KAZN: variants seen among roughly 807,000 people sequenced by gnomAD.
KAZN encodes kazrin.
Under a neutral mutation model 87.4 loss-of-function variants are expected in KAZN, and 40 were observed. The ratio of observed to expected loss-of-function variants is 0.46; its 90% CI spans 0.36 to 0.60. KAZN has a LOEUF of 0.60. Ranked by LOEUF, KAZN falls within the 20% of genes least tolerant of loss-of-function variation. The pLI is 0.00. For missense variants in KAZN, 898 were observed against 1,073.9 expected (o/e 0.84, Z 2.29); for synonymous variants, 466 against 458.3 (o/e 1.02, Z -0.22).
At position 14,865,551 on chromosome 1, in the gene KAZN, G is replaced by C. The variant is rs545995218; in HGVS notation, c.227-95133G>C. Among the ~76,000 whole-genome samples, 57 of 152,182 alleles carry C rather than the reference G, an allele frequency of 3.7e-4. 1 individual carries two copies. Among genetic ancestry groups the C allele is most frequent in the African/African-American group, 1.3e-3 (54 of 41,524 alleles). ...GCAACCAGAAAACACCCTTCTTCTT[G>C]CCAGGGGACCCCCTCCACCAAAAGC... On this transcript the variant is annotated intron_variant, in intron 1 of 14. Transcript: ENST00000376030.
chr1:14,069,942 T>C (rs1321792481), intron 1 of KAZN, among the ~76,000 whole-genome samples: 1 of 151,934 alleles, frequency 6.6e-6, no homozygotes, highest in Non-Finnish European at 1.5e-5. Context: ...AGGCTGAGGC[T>C]GGCGGATCAC....
intron 1 of KAZN, among the ~76,000 whole-genome samples, chr1:14,855,990 G>C (rs1412927663): frequency 6.6e-6 from 1 of 152,112 alleles, no homozygotes; most frequent in African/African-American, 2.4e-5. Context: ...CCAAAATGAT[G>C]GTACATTTAC....
At chr1:13,933,495 C>A (rs1001767838) in intron 1 of KAZN, among the ~76,000 whole-genome samples, 3 of 152,028 alleles carry the variant, frequency 2.0e-5, no homozygotes, top group Admixed American at 6.6e-5. Flanking sequence ...TCCGTCCCCC[C>A]CAAAAAATAT....
chr1:14,928,341 T>C (rs923286764), intron 1 of KAZN, among the ~76,000 whole-genome samples: 16 of 151,698 alleles, frequency 1.1e-4, no homozygotes, highest in African/African-American at 3.9e-4. Context: ...CCCAGCTACT[T>C]GGGAGGCTGA....
intron 1 of KAZN, among the ~76,000 whole-genome samples, chr1:14,906,119 A>G (rs964162861): frequency 6.6e-6 from 1 of 151,396 alleles, no homozygotes; most frequent in African/African-American, 2.4e-5. Flanking sequence ...GTGAGCCAAG[A>G]TCATGCCACT....
At chr1:14,843,764 C>T (rs560682040) in intron 1 of KAZN, among the ~76,000 whole-genome samples, 20 of 152,330 alleles carry the variant, frequency 1.3e-4, no homozygotes, top group African/African-American at 4.6e-4. Context: ...TTCTAGTCCT[C>T]GTCTCTTCAC....
chr1:14,020,519 G>T (rs922658041), intron 1 of KAZN, among the ~76,000 whole-genome samples: 1 of 152,188 alleles, frequency 6.6e-6, no homozygotes, highest in East Asian at 1.9e-4. Context: ...ATCCAGCCCT[G>T]TAGCATAATT....
intron 1 of KAZN, among the ~76,000 whole-genome samples, chr1:14,155,706 G>T (rs952427074): frequency 6.6e-6 from 1 of 152,002 alleles, no homozygotes; most frequent in Non-Finnish European, 1.5e-5. Context: ...CTGGAGTGCA[G>T]TGGCACCATC....
At chr1:14,156,217 A>T (rs1317857861) in intron 1 of KAZN, among the ~76,000 whole-genome samples, 1 of 152,106 alleles carries the variant, frequency 6.6e-6, no homozygotes, top group African/African-American at 2.4e-5. Context: ...ATATTATTTC[A>T]ATTTTTTGAA....
intron 2 of KAZN, among the ~76,000 whole-genome samples, chr1:14,197,937 C>T (rs1210936009): frequency 1.3e-5 from 2 of 152,038 alleles, no homozygotes; most frequent in African/African-American, 4.8e-5. Flanking sequence ...GTCATAATGG[C>T]TGGAGTGTTT....
At chr1:14,274,583 C>T (rs1054143554) in intron 2 of KAZN, among the ~76,000 whole-genome samples, 1 of 152,148 alleles carries the variant, frequency 6.6e-6, no homozygotes, top group African/African-American at 2.4e-5. Context: ...ACTTATAAAA[C>T]ACTGTGCACA....
chr1:13,933,883 T>C (rs1640623343), intron 1 of KAZN, among the ~76,000 whole-genome samples: 1 of 152,238 alleles, frequency 6.6e-6, no homozygotes, highest in South Asian at 2.1e-4. Flanking sequence ...TGTCTGCCTC[T>C]AAGGCTGATG....
chr1:14,119,783 G>A (rs191471439), intron 1 of KAZN, among the ~76,000 whole-genome samples: 21 of 152,280 alleles, frequency 1.4e-4, no homozygotes, highest in Admixed American at 5.2e-4. Context: ...GTGCACATCT[G>A]TCTCGTGTCA....
chr1:14,305,898 G>A (rs938616285), intron 2 of KAZN, among the ~76,000 whole-genome samples: 1 of 152,048 alleles, frequency 6.6e-6, no homozygotes, highest in Non-Finnish European at 1.5e-5. Flanking sequence ...TGGCAGGTAG[G>A]GGCTCTGATG....
intron 1 of KAZN, among the ~76,000 whole-genome samples, chr1:14,853,930 A>C (rs758136955): frequency 6.6e-6 from 1 of 152,188 alleles, no homozygotes; most frequent in Non-Finnish European, 1.5e-5. Context: ...AGTCAGCATG[A>C]AGTGAGAGGA....
chr1:14,938,387 C>A (rs762770451), intron 1 of KAZN, among the ~76,000 whole-genome samples: 2 of 152,028 alleles, frequency 1.3e-5, no homozygotes, highest in Admixed American at 6.6e-5. Context: ...ACCAAAAATA[C>A]AAAAATTAGC....
At position 14,357,635 on chromosome 1, in the gene KAZN, G is replaced by A. The variant is rs546609109; in HGVS notation, c.249+177043G>A. ...TTATTGAGAGTTTTTAGCACGAAGC[G>A]GTGTTGAATTTTATCAAAGGCCATT... is the stretch of plus-strand genomic sequence containing the variant. On this transcript the variant is annotated intron_variant, in intron 2 of 16. Coordinates refer to the KAZN transcript ENST00000636203. 1.4e-4 allele frequency among the ~76,000 whole-genome samples: 22 copies of A among 152,218 alleles called. No individual in the cohort carries two copies. In the South Asian group the frequency reaches 2.5e-3, roughly 17 times the overall value.
At chr1:14,736,607 G>T (rs536588305) in intron 1 of KAZN, among the ~76,000 whole-genome samples, 1 of 151,650 alleles carries the variant, frequency 6.6e-6, no homozygotes, top group African/African-American at 2.4e-5. Context: ...CACCACTCTC[G>T]GCCAAGGGTG....
At position 14,044,977 on chromosome 1, in the gene KAZN, G is replaced by A. The variant is rs546809316; in HGVS notation, c.92-135458G>A. On this transcript the variant is annotated intron_variant, in intron 1 of 16. Transcript: ENST00000636203. ...CATATAAAAACGCCATCTACCCCAA[G>A]ACCACTATGCTATGAGAACCCTGAG... is the stretch of plus-strand genomic sequence containing the variant. Among the ~76,000 whole-genome samples the A allele has an allele frequency of 9.9e-4, 151 of 152,148 alleles. 1 individual carries two copies. The highest frequency in any genetic ancestry group is 3.6e-3 in the African/African-American group (149 of 41,458).
Sources: gnomAD v4.1 joint callset for allele counts (sites outside exome capture counted in the v4.1 genomes callset) on GRCh38, gnomAD v4.1.1 for gene constraint, MANE v1.5 for transcripts, NCBI Gene and HGNC (gene_info 2026-07-23, HGNC 2026-07-21) for gene names.